The following XPO6 variants were observed in gnomAD, a reference collection of about 807,000 sequenced individuals.
The protein encoded by XPO6 is exportin-6.
A neutral mutation model predicts 130.0 loss-of-function variants in XPO6; 3 were observed. The ratio of observed to expected loss-of-function variants is 0.02; its 90% CI spans 0.01 to 0.06. The LOEUF (loss-of-function observed/expected upper bound fraction) is 0.06, where lower values mean the gene tolerates loss of function less well. Ranked by LOEUF, XPO6 falls within the 10% of genes least tolerant of loss-of-function variation. The pLI, the probability that XPO6 is intolerant of heterozygous loss-of-function variation, is 1.00. For missense variants in XPO6, 970 were observed against 1,393.0 expected, an observed-to-expected ratio of 0.70 and a Z score of 4.83; for synonymous variants, 524 against 548.9, an observed-to-expected ratio of 0.95 and a Z score of 0.63.
chr16:28,124,246 T>A (rs1345705799), intron 13 of XPO6, among the ~76,000 whole-genome samples: 1 of 151,996 alleles, frequency 6.6e-6, no homozygotes, highest in Admixed American at 6.6e-5. Context: ...TTAGTAGAGA[T>A]GGGGTTTCAT....
At chr16:28,103,794 C>T (rs756848386) in intron 21 of XPO6, among the ~76,000 whole-genome samples, 4 of 152,134 alleles carry the variant, frequency 2.6e-5, no homozygotes, top group Non-Finnish European at 4.4e-5. Context: ...TGTGTGTGCG[C>T]GCGCATGCGC....
chr16:28,135,168 T>C, intron 10 of XPO6, 48 bp downstream of exon 10: 1 of 1,504,884 alleles, frequency 6.6e-7, no homozygotes, highest in Non-Finnish European at 9.2e-7. Context: ...TTCTGATTGA[T>C]GTCACAACAT....
At chr16:28,203,890 T>C (rs1258070396) in intron 1 of XPO6, among the ~76,000 whole-genome samples, 1 of 152,166 alleles carries the variant, frequency 6.6e-6, no homozygotes, top group East Asian at 1.9e-4. Flanking sequence ...CAGATTAAGT[T>C]TCCTTTAAGG....
chr16:28,098,530 T>C lies in XPO6; in HGVS notation c.*8A>G, dbSNP rs1459620605. 2.5e-6 allele frequency: 4 copies of C among 1,604,838 alleles called. No individual in the cohort carries two copies. The highest frequency in any genetic ancestry group is 1.3e-5 in the African/African-American group (1 of 74,676). On this transcript the variant is annotated 3_prime_UTR_variant, in exon 24 of 24. Transcript: ENST00000304658. Reference sequence around the variant, plus strand: ...AGCAGAAGTCCGTGTCCCCAGGCAGTAGCAGGCCTAGAGCTTCACAGTGCC... The same window carrying C: ...AGCAGAAGTCCGTGTCCCCAGGCAGCAGCAGGCCTAGAGCTTCACAGTGCC...
intron 7 of XPO6, chr16:28,154,022 G>A: frequency 4.1e-6 from 4 of 985,282 alleles, no homozygotes; most frequent in Non-Finnish European, 4.8e-6. Flanking sequence ...GGCTGTCTCT[G>A]TGGATCATGG....
intron 9 of XPO6, among the ~76,000 whole-genome samples, chr16:28,144,556 A>G (rs997870649): frequency 1.3e-5 from 2 of 152,168 alleles, no homozygotes; most frequent in Admixed American, 1.3e-4. Flanking sequence ...GACTACAGGT[A>G]CATACTACCA....
At chr16:28,169,963 A>AG in intron 4 of XPO6, 54 bp from the exon 5 acceptor site, 1 of 1,593,654 alleles carries the variant, frequency 6.3e-7, no homozygotes, top group Non-Finnish European at 8.6e-7. Flanking sequence ...AAGTACAAAG[A>AG]GGACTCAGTA....
At chr16:28,149,616 C>T (rs1020042277) in intron 8 of XPO6, among the ~76,000 whole-genome samples, 5 of 152,156 alleles carry the variant, frequency 3.3e-5, no homozygotes, top group African/African-American at 1.2e-4. Flanking sequence ...TAGAGTAGTA[C>T]TCTACACAGT....
At chr16:28,122,533 T>G (rs2087269938) in intron 13 of XPO6, among the ~76,000 whole-genome samples, 1 of 151,964 alleles carries the variant, frequency 6.6e-6, no homozygotes, top group African/African-American at 2.4e-5. Flanking sequence ...GAGGACTGCT[T>G]GAGCCCAGGA....
intron 4 of XPO6, among the ~76,000 whole-genome samples, 199 bp from the exon 5 acceptor site, chr16:28,170,108 G>T (rs575427368): frequency 5.3e-5 from 8 of 152,060 alleles, no homozygotes; most frequent in Non-Finnish European, 1.2e-4. Context: ...TGAGACGGGC[G>T]GATCACCTGA....
intron 18 of XPO6, among the ~76,000 whole-genome samples, chr16:28,107,273 A>G (rs1248632856): frequency 6.6e-6 from 1 of 152,212 alleles, no homozygotes; most frequent in Non-Finnish European, 1.5e-5. Context: ...AACTAAGCCA[A>G]AAAAGCTCTC....
At chr16:28,153,686 C>T (rs1222211897) in intron 7 of XPO6, 10 of 985,244 alleles carry the variant, frequency 1.0e-5, no homozygotes, top group Non-Finnish European at 1.1e-5. Context: ...AATGAGATGG[C>T]CATACCTTCA....
intron 1 of XPO6, among the ~76,000 whole-genome samples, chr16:28,202,732 A>G (rs2043972096): frequency 1.3e-5 from 2 of 152,230 alleles, no homozygotes. Flanking sequence ...AACACTGGAT[A>G]TCTACAGCTG....
chr16:28,208,268 AAAG>A (rs1596983802), intron 1 of XPO6, among the ~76,000 whole-genome samples: 1 of 152,362 alleles, frequency 6.6e-6, no homozygotes, highest in East Asian at 1.9e-4. Context: ...GAAGATTTAA[AAAG>A]AAGATGTTAA....
intron 13 of XPO6, 147 bp downstream of exon 13, chr16:28,125,542 T>C (rs1306558500): frequency 2.1e-6 from 2 of 957,160 alleles, no homozygotes; most frequent in African/African-American, 1.7e-5. Context: ...GGTTAAGTAA[T>C]TTGTTCCCTA....
At chr16:28,174,050 G>A (rs2043496184) in intron 4 of XPO6, among the ~76,000 whole-genome samples, 1 of 152,046 alleles carries the variant, frequency 6.6e-6, no homozygotes, top group South Asian at 2.1e-4. Context: ...GTCTCCAGTG[G>A]GCTTCCCTGA....
chr16:28,188,050 AC>A (rs1196222148), intron 1 of XPO6, among the ~76,000 whole-genome samples: 3 of 151,850 alleles, frequency 2.0e-5, no homozygotes, highest in Non-Finnish European at 4.4e-5. Context: ...CTCTAAAACA[AC>A]CCCCTCTAAG....
In XPO6 at chr16:28,132,495, T is replaced by C; in HGVS notation, c.1537-92A>G. On this transcript the variant is annotated intron_variant, in intron 11 of 23. Coordinates refer to ENST00000304658, the MANE Select transcript of XPO6 (RefSeq NM_015171.4). The surrounding 1 kb of genome is among the most constrained non-coding windows in gnomAD (Gnocchi z 4.0). ...ACATTACAACATTAACACGTAACTA[T>C]GGTGTGAGGAACAGGATCAAAACCT... 2 of 840,742 alleles carry C rather than the reference T, an allele frequency of 2.4e-6. No individual in the cohort carries two copies. Among genetic ancestry groups the C allele is most frequent in the Non-Finnish European group, 1.9e-6 (1 of 531,766 alleles). 52.1% of individuals were successfully genotyped at this position (840,742 alleles called of 1,614,324 possible). A position where few individuals can be genotyped will look rare whatever the true frequency, so the allele number is the denominator to read the frequency against.
At chr16:28,118,370 T>G in intron 14 of XPO6, among the ~76,000 whole-genome samples, 1 of 152,176 alleles carries the variant, frequency 6.6e-6, no homozygotes, top group East Asian at 1.9e-4. Context: ...TTTATCTGTT[T>G]GTTTACTTGA....
Sources: gnomAD v4.1 joint callset for allele counts (sites outside exome capture counted in the v4.1 genomes callset) on GRCh38, gnomAD v4.1.1 for gene constraint, Gnocchi (gnomAD v3.1) non-coding constraint, MANE v1.5 for transcripts, NCBI Gene and HGNC (gene_info 2026-07-23, HGNC 2026-07-21) for gene names.